Variants in DNA2 observed in about 807,000 individuals in gnomAD.
The protein encoded by DNA2 is DNA replication helicase/nuclease 2.
DNA2 carries 101 observed loss-of-function variants against 119.1 expected under a neutral mutation model. That is an observed-to-expected ratio of 0.85 (90% CI 0.72 to 1.00). DNA2 has a LOEUF of 1.00. DNA2 is among the 50% of genes least tolerant of loss of function. The pLI is 0.00. For missense variants in DNA2, 1,121 were observed against 1,255.5 expected, an observed-to-expected ratio of 0.89 and a Z score of 1.62; for synonymous variants, 366 against 424.4, an observed-to-expected ratio of 0.86 and a Z score of 1.69.
At chr10:68,453,732 C>G (rs556401961) in intron 5 of DNA2, among the ~76,000 whole-genome samples, 1 of 152,246 alleles carries the variant, frequency 6.6e-6, no homozygotes, top group African/African-American at 2.4e-5. Context: ...ACATGTAGTA[C>G]AAGTGTGTAG....
intron 19 of DNA2, 105 bp from the exon 20 acceptor site, chr10:68,416,960 G>A (rs2051597023): frequency 1.0e-6 from 1 of 997,374 alleles, no homozygotes; most frequent in Non-Finnish European, 1.4e-6. Flanking sequence ...AGAATAGAAT[G>A]AGGCCAGGTG....
At chr10:68,424,613 C>T (rs1054671717) in intron 14 of DNA2, 4 of 1,464,876 alleles carry the variant, frequency 2.7e-6, no homozygotes, top group Non-Finnish European at 3.8e-6. Flanking sequence ...GCAAACGTCA[C>T]TTCCATGCCC....
chr10:68,422,092 T>A, intron 17 of DNA2, 133 bp downstream of exon 17: 6 of 683,378 alleles, frequency 8.8e-6, no homozygotes, highest in African/African-American at 5.4e-5. Context: ...GGATTACAGG[T>A]GTGAGCCACC....
At chr10:68,441,281 C>T (rs1390902163) in intron 9 of DNA2, among the ~76,000 whole-genome samples, 1 of 149,090 alleles carries the variant, frequency 6.7e-6, no homozygotes, top group African/African-American at 2.5e-5. Context: ...CTACAGTGAG[C>T]CATGATTGCA....
In DNA2 at chr10:68,419,058, A is replaced by C; in HGVS notation, c.2943T>G (p.Phe981Leu). 1 of 1,603,788 alleles carries C rather than the reference A, an allele frequency of 6.2e-7. No individual in the cohort carries two copies. Among genetic ancestry groups the C allele is most frequent in the Non-Finnish European group, 8.5e-7 (1 of 1,176,906 alleles). The change falls in exon 19 of 21, where the codon TTT becomes TTG. Residue 981 changes from phenylalanine to leucine, a missense_variant. Phe to Leu is a conservative substitution (Grantham distance 22). Transcript: ENST00000358410. ...GRDKSIVLVS[F>L]VRSNKDGTVG... ...CAGTTCCATCCTTATTACTTCTAAC[A>C]AAAGATACTAGGACAATACTTTTGT... is the stretch of plus-strand genomic sequence containing the variant.
At chr10:68,419,254 ATTAAG>A (rs2051634827) in intron 18 of DNA2, 41 bp from the exon 19 acceptor site, 1 of 1,404,402 alleles carries the variant, frequency 7.1e-7, no homozygotes, top group Admixed American at 3.2e-5. Context: ...AGAAATCCTG[ATTAAG>A]TTAAACTTTT....
intron 14 of DNA2, among the ~76,000 whole-genome samples, chr10:68,425,713 T>C (rs114383307): frequency 0.027 from 4,099 of 150,998 alleles, 175 homozygotes; most frequent in African/African-American, 0.094. Context: ...CTCTGGAACA[T>C]TTCATTTCCT....
At chr10:68,449,449 C>A (rs749127806) in intron 6 of DNA2, among the ~76,000 whole-genome samples, 2 of 152,096 alleles carry the variant, frequency 1.3e-5, no homozygotes, top group African/African-American at 2.4e-5. Flanking sequence ...AAATGTAAAG[C>A]TCTTGTGAAA....
At chr10:68,423,851 C>T (rs763992917) in intron 14 of DNA2, among the ~76,000 whole-genome samples, 13 of 152,198 alleles carry the variant, frequency 8.5e-5, no homozygotes, top group Non-Finnish European at 1.6e-4. Context: ...ACCCACACTT[C>T]GACTCCCACC....
At chr10:68,421,232 G>A (rs531717164) in intron 17 of DNA2, among the ~76,000 whole-genome samples, 22 of 151,978 alleles carry the variant, frequency 1.4e-4, no homozygotes, top group Non-Finnish European at 2.8e-4. Context: ...CACTGTGCCC[G>A]GGTTTAAAGT....
chr10:68,463,152 T>C (rs1364791632), intron 4 of DNA2, among the ~76,000 whole-genome samples: 1 of 144,970 alleles, frequency 6.9e-6, no homozygotes, highest in African/African-American at 2.6e-5. Context: ...ATCATTAAGA[T>C]GTAAAGACCT....
Position 68,446,309 on chromosome 10 carries a change from A to G in DNA2, c.1044T>C (p.His348=). The change falls in exon 7 of 21, where the codon CAT becomes CAC. Residue 348 remains histidine, a synonymous_variant. Coordinates refer to ENST00000358410, the MANE Select transcript of DNA2 (RefSeq NM_001080449.3). ...TGQMYPVPAN[H]LDKRELLKLR... is the part of the protein sequence containing the mutation. ...AAACGGCTCAACCTCTTTTATCTAG[A>G]TGGTTGGCAGGCACAGGGTACATCT... 3.2e-6 allele frequency: 5 copies of G among 1,581,086 alleles called. No individual in the cohort carries two copies. The highest frequency in any genetic ancestry group is 4.3e-6 in the Non-Finnish European group (5 of 1,163,646).
At chr10:68,456,708 G>A (rs936504223) in intron 5 of DNA2, among the ~76,000 whole-genome samples, 1 of 150,824 alleles carries the variant, frequency 6.6e-6, no homozygotes, top group African/African-American at 2.4e-5. Flanking sequence ...CACCATGCCC[G>A]GACCCCCTTA....
Position 68,415,062 on chromosome 10 carries a change from A to G in DNA2, c.3160T>C (p.Leu1054=), listed in dbSNP as rs1156681664. The change falls in exon 21 of 21, where the codon TTG becomes CTG. Residue 1054 remains leucine (L), a synonymous_variant. Coordinates refer to ENST00000358410, the MANE Select transcript of DNA2 (RefSeq NM_001080449.3). Reference sequence around the variant, plus strand: ...TTTTATTCTCTTTGAAAGTCACCCAATATGTGGCAAAGACTTTCATGTTCT... The same window carrying G: ...TTTTATTCTCTTTGAAAGTCACCCAGTATGTGGCAAAGACTTTCATGTTCT... The part of the protein sequence containing the change: ...SREHESLCHI[L]GDFQRE The G allele has an allele frequency of 6.3e-7, 1 of 1,581,508 alleles. No individual in the cohort carries two copies. The highest frequency in any genetic ancestry group is 8.6e-7 in the Non-Finnish European group (1 of 1,161,702).
intron 14 of DNA2, among the ~76,000 whole-genome samples, chr10:68,427,933 T>TG (rs2133372287): frequency 6.6e-6 from 1 of 151,520 alleles, no homozygotes; most frequent in East Asian, 1.9e-4. Context: ...CTCAGGAGGC[T>TG]GAGGCAGGAG....
At chr10:68,431,048 G>A (rs1363206115) in intron 13 of DNA2, among the ~76,000 whole-genome samples, 3 of 151,788 alleles carry the variant, frequency 2.0e-5, no homozygotes, top group Non-Finnish European at 2.9e-5. Flanking sequence ...GCTTAGGAAC[G>A]AGGACTGTTT....
intron 5 of DNA2, among the ~76,000 whole-genome samples, chr10:68,454,667 A>G (rs1355179993): frequency 1.3e-5 from 2 of 151,778 alleles, no homozygotes; most frequent in South Asian, 2.1e-4. Flanking sequence ...TTAGCCAGGC[A>G]TGGTGGCAGG....
chr10:68,440,632 A>G (rs967445072), intron 9 of DNA2, among the ~76,000 whole-genome samples: 1 of 152,038 alleles, frequency 6.6e-6, no homozygotes, highest in African/African-American at 2.4e-5. Flanking sequence ...AAAAAGTTTC[A>G]CATACTACAA....
chr10:68,447,015 G>C (rs1286982074), intron 6 of DNA2, among the ~76,000 whole-genome samples: 1 of 152,108 alleles, frequency 6.6e-6, no homozygotes, highest in Non-Finnish European at 1.5e-5. Context: ...TGGGTTATTT[G>C]TAACACAAAT....
Sources: allele counts gnomAD v4.1 joint callset (sites outside exome capture counted in the v4.1 genomes callset), GRCh38; gene constraint gnomAD v4.1.1; transcripts MANE v1.5; gene names NCBI Gene and HGNC (gene_info 2026-07-23, HGNC 2026-07-21).